TRPC3: variants seen among roughly 807,000 people sequenced by gnomAD.
The protein encoded by TRPC3 is short transient receptor potential channel 3.
Under a neutral mutation model 90.9 loss-of-function variants are expected in TRPC3, and 54 were observed. That is an observed-to-expected ratio of 0.59 (90% CI 0.48 to 0.75). The LOEUF (loss-of-function observed/expected upper bound fraction) is 0.75, where lower values mean the gene tolerates loss of function less well. TRPC3 is among the 30% of genes least tolerant of loss of function. The pLI, the probability that TRPC3 is intolerant of heterozygous loss-of-function variation, is 0.00. For synonymous variants in TRPC3, 424 were observed against 450.9 expected (o/e 0.94, Z 0.75); for missense variants, 918 against 1,194.5 (o/e 0.77, Z 3.41).
At chr4:121,896,550 C>T (rs538007052) in intron 10 of TRPC3, among the ~76,000 whole-genome samples, 1 of 151,848 alleles carries the variant, frequency 6.6e-6, no homozygotes, top group South Asian at 2.1e-4. Flanking sequence ...ATAAAAAAGG[C>T]AATGCCATTT....
At chr4:121,909,717 A>G (rs546857822) in intron 6 of TRPC3, among the ~76,000 whole-genome samples, 102 of 152,204 alleles carry the variant, frequency 6.7e-4, no homozygotes, top group African/African-American at 2.3e-3. Context: ...CCTCTGTTGA[A>G]TTACCGTTCA....
rs1728332149 is a variant in TRPC3 at position 121,891,629 on chromosome 4, ATCT to A, written c.2547+7980_2547+7982del. 2.0e-5 allele frequency among the ~76,000 whole-genome samples: 3 copies of A among 152,284 alleles called. No homozygotes were observed. In the South Asian group the frequency reaches 6.2e-4, roughly 32 times the overall value. ...AGGACATACATTTCCCTTTGTGAAG[ATCT>A]TCTTCCTCTCCCCCTCCCAGATTAG... On this transcript the variant is annotated intron_variant, in intron 10 of 11. Transcript: ENST00000379645.
intron 10 of TRPC3, among the ~76,000 whole-genome samples, chr4:121,888,207 T>C (rs575733575): frequency 6.6e-6 from 1 of 152,304 alleles, no homozygotes; most frequent in African/African-American, 2.4e-5. Context: ...CCTTGGGGCA[T>C]ATTTGAATCT....
intron 10 of TRPC3, among the ~76,000 whole-genome samples, chr4:121,882,670 AAAG>A (rs771314629): frequency 3.9e-5 from 6 of 152,160 alleles, no homozygotes; most frequent in Non-Finnish European, 7.4e-5. Flanking sequence ...AAGCTTTTAA[AAAG>A]AAGTTAAGCT....
intron 1 of TRPC3, among the ~76,000 whole-genome samples, chr4:121,947,679 G>A (rs13147347): frequency 0.18 from 27,159 of 152,164 alleles, 2,698 homozygotes; most frequent in East Asian, 0.28. Flanking sequence ...CTTTAAAGAG[G>A]AGCGATTTAA....
rs201667378 is a variant in TRPC3 at position 121,899,609 on chromosome 4, T to C, written c.2547+3A>G. On this transcript the variant is annotated splice_donor_region_variant and intron_variant, in intron 10 of 11. Transcript: ENST00000379645. ...TCAAGAGATACGTCTAATGAATGCT[T>C]ACCTGATAACGTGTTGGCTGATTGA... 92 of 1,612,026 alleles carry C rather than the reference T, an allele frequency of 5.7e-5. No homozygotes were observed. Among genetic ancestry groups the C allele is most frequent in the Middle Eastern group, 3.3e-4 (2 of 6,072 alleles).
chr4:121,902,735 C>A, intron 9 of TRPC3, 117 bp downstream of exon 9: 1 of 748,746 alleles, frequency 1.3e-6, no homozygotes, highest in Non-Finnish European at 2.1e-6. Context: ...GTGGACTAGA[C>A]AGTTACTTTT....
At chr4:121,907,750 T>C (rs577337555) in intron 6 of TRPC3, among the ~76,000 whole-genome samples, 183 bp from the exon 7 acceptor site, 1 of 152,224 alleles carries the variant, frequency 6.6e-6, no homozygotes, top group Non-Finnish European at 1.5e-5. Context: ...GTAAATTCTA[T>C]ATTACTTTAG....
chr4:121,899,817 A>T, intron 9 of TRPC3, 122 bp from the exon 10 acceptor site: 1 of 749,734 alleles, frequency 1.3e-6, no homozygotes, highest in Non-Finnish European at 2.2e-6. Context: ...CATTTTGTGG[A>T]AGTTGAGCTT....
chr4:121,943,494 CT>C (rs901948529), intron 1 of TRPC3, among the ~76,000 whole-genome samples: 12 of 151,950 alleles, frequency 7.9e-5, no homozygotes, highest in African/African-American at 2.9e-4. Flanking sequence ...AATTAATAAC[CT>C]TTAATAATTA....
chr4:121,879,418 A>G lies in TRPC3; in HGVS notation c.*318T>C. 1 of 269,096 alleles carries G rather than the reference A, an allele frequency of 3.7e-6. No homozygotes were observed. The highest frequency in any genetic ancestry group is 4.2e-5 in the South Asian group (1 of 23,634). The allele number at this position is 269,096 out of a possible 1,614,324, so 16.7% of individuals were successfully genotyped here. A position where few individuals can be genotyped will look rare whatever the true frequency, so the allele number is the denominator to read the frequency against. On this transcript the variant is annotated 3_prime_UTR_variant, in exon 12 of 12. Coordinates refer to ENST00000379645, the MANE Select transcript of TRPC3 (RefSeq NM_001130698.2). ...TGAATAAGACATGGTCCCTGTCCCCAAGGAACTGATAGTCTCTTGGAGGCA... is the reference window on the plus strand; with the variant it reads ...TGAATAAGACATGGTCCCTGTCCCCGAGGAACTGATAGTCTCTTGGAGGCA...
intron 1 of TRPC3, among the ~76,000 whole-genome samples, chr4:121,934,601 C>T (rs1730064934): frequency 6.6e-6 from 1 of 152,162 alleles, no homozygotes; most frequent in Admixed American, 6.5e-5. Context: ...AGAAATACCT[C>T]CTACCATTGA....
chr4:121,938,233 C>T (rs965004955), intron 1 of TRPC3, among the ~76,000 whole-genome samples: 3 of 152,172 alleles, frequency 2.0e-5, no homozygotes, highest in South Asian at 2.1e-4. Context: ...TCAGGTCCCA[C>T]ATATACTGTG....
chr4:121,926,267 C>T (rs112967898), intron 2 of TRPC3, among the ~76,000 whole-genome samples: 158 of 152,278 alleles, frequency 1.0e-3, no homozygotes, highest in African/African-American at 3.3e-3. Context: ...GTTATTGTTC[C>T]GGGAGTGTAA....
chr4:121,950,440 C>G (rs1392699937), intron 1 of TRPC3: 1 of 152,356 alleles, frequency 6.6e-6, no homozygotes, highest in African/African-American at 2.4e-5. Flanking sequence ...CATCCGACCC[C>G]AAGTTCTCTA....
At chr4:121,898,580 G>A (rs969194788) in intron 10 of TRPC3, among the ~76,000 whole-genome samples, 1 of 152,094 alleles carries the variant, frequency 6.6e-6, no homozygotes, top group African/African-American at 2.4e-5. Flanking sequence ...TGCCAAAAAG[G>A]TTGGGGACCA....
intron 2 of TRPC3, among the ~76,000 whole-genome samples, chr4:121,926,878 C>T (rs534678111): frequency 6.6e-6 from 1 of 152,262 alleles, no homozygotes; most frequent in Non-Finnish European, 1.5e-5. Context: ...ATTCTCAGAC[C>T]CCAGCCCACA....
At chr4:121,892,349 A>T (rs1036742968) in intron 10 of TRPC3, among the ~76,000 whole-genome samples, 6 of 152,216 alleles carry the variant, frequency 3.9e-5, no homozygotes, top group African/African-American at 1.2e-4. Context: ...CATTGCAGAT[A>T]GGTGGTTTGT....
intron 1 of TRPC3, among the ~76,000 whole-genome samples, chr4:121,934,784 G>C (rs1730071236): frequency 6.6e-6 from 1 of 152,106 alleles, no homozygotes; most frequent in South Asian, 2.1e-4. Context: ...AGAGAGAGGA[G>C]CACAGAAGCC....
Sources: gnomAD v4.1 joint callset for allele counts (sites outside exome capture counted in the v4.1 genomes callset) on GRCh38, gnomAD v4.1.1 for gene constraint, MANE v1.5 for transcripts, NCBI Gene and HGNC (gene_info 2026-07-23, HGNC 2026-07-21) for gene names.